CACNA1A: variants seen among roughly 807,000 people sequenced by gnomAD.
The protein encoded by CACNA1A is calcium voltage-gated channel subunit alpha1 A, also known as voltage-dependent P/Q-type calcium channel subunit alpha-1A.
In CACNA1A, 57 loss-of-function variants were observed where a neutral mutation model predicts 262.4. That is an observed-to-expected ratio of 0.22 (90% CI 0.18 to 0.27). CACNA1A has a LOEUF of 0.27. Ranked by LOEUF, CACNA1A falls within the 10% of genes least tolerant of loss-of-function variation. The pLI is 1.00. For missense variants in CACNA1A, 2,526 were observed against 3,562.8 expected (o/e 0.71, Z 7.41); for synonymous variants, 1,431 against 1,419.3 (o/e 1.01, Z -0.18).
Position 13,207,309 on chromosome 19 carries a change from G to T in CACNA1A, c.*4C>A. 1 of 1,551,424 alleles carries T rather than the reference G, an allele frequency of 6.4e-7. No homozygotes were observed. The highest frequency in any genetic ancestry group is 1.2e-5 in the South Asian group (1 of 86,362). The stretch of plus-strand genomic sequence containing the variant: ...GGGCCGGGCGGGCGCCACCTCGCCC[G>T]GGCTTAGCACCAATCATCGTCACTC... On this transcript the variant is annotated 3_prime_UTR_variant, in exon 47 of 47. Transcript: ENST00000360228. This position sits in a 1 kb window ranked among gnomAD's most constrained non-coding sequence, Gnocchi z 5.7.
chr19:13,307,228 G>C (rs916840243), intron 15 of CACNA1A: 3 of 151,734 alleles, frequency 2.0e-5, no homozygotes, highest in Non-Finnish European at 4.4e-5. Flanking sequence ...CTCCCAAAGT[G>C]GTTTTTTTTT....
chr19:13,235,599 G>A lies in CACNA1A; in HGVS notation c.5067+15C>T. The A allele has an allele frequency of 6.4e-7, 1 of 1,561,864 alleles. No homozygotes were observed. The highest frequency in any genetic ancestry group is 8.8e-7 in the Non-Finnish European group (1 of 1,132,494). ...TCTTCTCAGCCCTGGGCCAGCAGCA[G>A]GGACGAGGACTCACCTTGAAGGACT... On this transcript the variant is annotated intron_variant, in intron 32 of 46. Transcript: ENST00000360228.
At chr19:13,268,669 C>T (rs1218625961) in intron 24 of CACNA1A, among the ~76,000 whole-genome samples, 3 of 152,012 alleles carry the variant, frequency 2.0e-5, no homozygotes, top group Admixed American at 1.3e-4. Flanking sequence ...CTCTTGACCT[C>T]GTGATCCGCC....
chr19:13,318,614 GTGA>G (rs1404720636), intron 10 of CACNA1A, among the ~76,000 whole-genome samples: 2 of 152,102 alleles, frequency 1.3e-5, no homozygotes, highest in African/African-American at 4.8e-5. Context: ...ATCCAGGCAA[GTGA>G]TGATGATGAT....
intron 27 of CACNA1A, chr19:13,258,302 A>C (rs2056628487): frequency 6.6e-6 from 1 of 152,288 alleles, no homozygotes; most frequent in Non-Finnish European, 1.5e-5. Context: ...TGGGTATTTG[A>C]GCACAGGTGG....
Position 13,335,792 on chromosome 19 carries a change from T to C in CACNA1A, c.1082+14A>G. 6.5e-7 allele frequency: 1 copy of C among 1,542,238 alleles called. No homozygotes were observed. The highest frequency in any genetic ancestry group is 8.9e-7 in the Non-Finnish European group (1 of 1,121,116). ...GGAGTGAGTGGGATGGGGTGGGGAG[T>C]AGCAGAAACTTACCCTGACAGCACA... On this transcript the variant is annotated intron_variant, in intron 7 of 46. Coordinates refer to ENST00000360228, the MANE Select transcript of CACNA1A (RefSeq NM_001127222.2).
At chr19:13,505,190 C>T (rs1982870560) in intron 1 of CACNA1A, among the ~76,000 whole-genome samples, 1 of 152,084 alleles carries the variant, frequency 6.6e-6, no homozygotes, top group South Asian at 2.1e-4. Flanking sequence ...ATCTCTTTCT[C>T]GACACCCCCA....
At position 13,299,031 on chromosome 19, in the gene CACNA1A, C is replaced by T. The variant is rs1175516920; in HGVS notation, c.2602G>A (p.Ala868Thr). The stretch of plus-strand genomic sequence containing the variant: ...CCCGCCGAGCCGCTGGGGTCCCGGG[C>T]CCGATCGTGGTAGCGGGCCTGTTTC... Reference protein sequence around the residue: ...LRKQARYHDRARDPSGSAGLD... With the variant: ...LRKQARYHDRTRDPSGSAGLD... Residue 868 changes from alanine to threonine, a missense_variant, in exon 19 of 47, where the codon GCC becomes ACC. Physicochemically the swap from Ala to Thr is moderately conservative, Grantham distance 58. Coordinates refer to ENST00000360228, the MANE Select transcript of CACNA1A (RefSeq NM_001127222.2). 34 of 1,593,596 alleles carry T rather than the reference C, an allele frequency of 2.1e-5. No homozygotes were observed. Among genetic ancestry groups the T allele is most frequent in the Non-Finnish European group, 2.8e-5 (33 of 1,175,606 alleles).
intron 6 of CACNA1A, among the ~76,000 whole-genome samples, chr19:13,348,014 G>A (rs1217793767): frequency 6.6e-6 from 1 of 151,970 alleles, no homozygotes; most frequent in Non-Finnish European, 1.5e-5. Flanking sequence ...TCAAACCCTT[G>A]GGCTCAGGCA....
At chr19:13,291,919 T>C (rs1310165160) in intron 19 of CACNA1A, among the ~76,000 whole-genome samples, 2 of 152,158 alleles carry the variant, frequency 1.3e-5, no homozygotes, top group African/African-American at 4.8e-5. Flanking sequence ...AAGTCCAGCA[T>C]CTCTCTTCCT....
chr19:13,355,690 CAG>C (rs1037840564), intron 6 of CACNA1A, among the ~76,000 whole-genome samples: 1 of 152,134 alleles, frequency 6.6e-6, no homozygotes, highest in African/African-American at 2.4e-5. Context: ...CAGAGAGAGG[CAG>C]AGAGTGACAG....
chr19:13,248,409 C>CAA (rs61481896), intron 30 of CACNA1A, among the ~76,000 whole-genome samples: 1,353 of 58,084 alleles, frequency 0.023, 42 homozygotes, highest in Non-Finnish European at 0.032. Context: ...GATCCCATCT[C>CAA]AAAAAAAAAA....
At chr19:13,355,618 A>C (rs185341006) in intron 6 of CACNA1A, among the ~76,000 whole-genome samples, 131 of 152,226 alleles carry the variant, frequency 8.6e-4, no homozygotes, top group African/African-American at 2.7e-3. Flanking sequence ...TGACTTCTCC[A>C]GGCACTGGAT....
chr19:13,269,207 C>T (rs746578325), intron 24 of CACNA1A, among the ~76,000 whole-genome samples: 43 of 152,096 alleles, frequency 2.8e-4, no homozygotes, highest in Non-Finnish European at 1.5e-5. Flanking sequence ...TGATTTTTGC[C>T]TAATCTGCTG....
At chr19:13,265,938 G>A (rs562338714) in intron 24 of CACNA1A, among the ~76,000 whole-genome samples, 1 of 151,286 alleles carries the variant, frequency 6.6e-6, no homozygotes, top group African/African-American at 2.4e-5. Flanking sequence ...TCTGCCTCCC[G>A]GGTTCAAGAA....
At chr19:13,251,349 G>A (rs2056390412) in intron 30 of CACNA1A, among the ~76,000 whole-genome samples, 1 of 151,858 alleles carries the variant, frequency 6.6e-6, no homozygotes, top group Non-Finnish European at 1.5e-5. Flanking sequence ...CAGGTGTGGT[G>A]GCAGGCACCT....
intron 1 of CACNA1A, among the ~76,000 whole-genome samples, chr19:13,484,805 C>T (rs773770651): frequency 6.6e-6 from 1 of 152,202 alleles, no homozygotes; most frequent in African/African-American, 2.4e-5. Flanking sequence ...CCCACCCCTA[C>T]AATAGCAGAG....
intron 6 of CACNA1A, among the ~76,000 whole-genome samples, chr19:13,350,280 C>G (rs2058883241): frequency 6.6e-6 from 1 of 152,072 alleles, no homozygotes; most frequent in Non-Finnish European, 1.5e-5. Flanking sequence ...GGGGGCTGAG[C>G]CAGACACGGA....
intron 19 of CACNA1A, among the ~76,000 whole-genome samples, chr19:13,295,937 G>T (rs534688273): frequency 6.6e-6 from 1 of 152,236 alleles, no homozygotes; most frequent in African/African-American, 2.4e-5. Context: ...ATGGAACTTT[G>T]CCAAGAGGTG....
Sources: allele counts gnomAD v4.1 joint callset (sites outside exome capture counted in the v4.1 genomes callset), GRCh38; gene constraint gnomAD v4.1.1; non-coding constraint Gnocchi (gnomAD v3.1); transcripts MANE v1.5; gene names NCBI Gene and HGNC (gene_info 2026-07-23, HGNC 2026-07-21).